Variants in DISP1 observed in about 807,000 individuals in gnomAD.
DISP1 encodes the protein dispatched RND transporter family member 1.
DISP1 carries 30 observed loss-of-function variants against 37.3 expected under a neutral mutation model. That is an observed-to-expected ratio of 0.80 (90% CI 0.60 to 1.09). The LOEUF is 1.09. DISP1 is among the 50% of genes least tolerant of loss of function. The pLI is 0.00. For synonymous variants in DISP1, 634 were observed against 690.2 expected, an observed-to-expected ratio of 0.92 and a Z score of 1.28; for missense variants, 1,598 against 1,879.5, an observed-to-expected ratio of 0.85 and a Z score of 2.77.
At chr1:222,945,765 A>G (rs1674723280) in intron 3 of DISP1, 2 of 152,226 alleles carry the variant, frequency 1.3e-5, no homozygotes, top group Admixed American at 1.3e-4. Context: ...CACTGGGTCC[A>G]TAGACTTGTC....
Position 223,004,228 on chromosome 1 carries a change from A to T in DISP1, c.2831A>T (p.Tyr944Phe). The T allele has an allele frequency of 6.2e-7, 1 of 1,614,148 alleles. No individual in the cohort carries two copies. The highest frequency in any genetic ancestry group is 8.5e-7 in the Non-Finnish European group (1 of 1,180,018). Residue 944 changes from tyrosine to phenylalanine, a missense_variant, in exon 9 of 9, where the codon TAT becomes TTT. Coordinates refer to ENST00000675850, the MANE Select transcript of DISP1 (RefSeq NM_001377229.1). This position sits in a 1 kb window ranked among gnomAD's most constrained non-coding sequence, Gnocchi z 4.9. Reference protein sequence around the residue: ...TLAYEKMHQFYKEVDSWISSE... With the variant: ...TLAYEKMHQFFKEVDSWISSE... ...GCTTATGAAAAGATGCATCAGTTTT[A>T]TAAAGAGGTGGACTCGTGGATATCC...
At chr1:222,881,666 C>T (rs1415246599) in intron 1 of DISP1, among the ~76,000 whole-genome samples, 3 of 152,142 alleles carry the variant, frequency 2.0e-5, no homozygotes, top group Non-Finnish European at 4.4e-5. Flanking sequence ...TTGGCAAGGG[C>T]CTACTGGCAT....
chr1:222,864,068 C>T (rs553310158), intron 1 of DISP1, among the ~76,000 whole-genome samples: 6 of 152,250 alleles, frequency 3.9e-5, no homozygotes, highest in Non-Finnish European at 8.8e-5. Flanking sequence ...TCTCAGGAAC[C>T]AAGCTCAGAA....
At chr1:222,855,402 T>A (rs1247806475) in intron 1 of DISP1, among the ~76,000 whole-genome samples, 1 of 152,210 alleles carries the variant, frequency 6.6e-6, no homozygotes, top group Non-Finnish European at 1.5e-5. Flanking sequence ...TTTACCTAAA[T>A]GGAAATTTGT....
At chr1:222,825,444 T>C (rs1180730067) in intron 1 of DISP1, among the ~76,000 whole-genome samples, 1 of 152,066 alleles carries the variant, frequency 6.6e-6, no homozygotes, top group Admixed American at 6.6e-5. Context: ...CAGTAGATCC[T>C]TTTTTAACTC....
At chr1:222,894,617 C>A (rs1365666960) in intron 1 of DISP1, among the ~76,000 whole-genome samples, 5 of 152,318 alleles carry the variant, frequency 3.3e-5, no homozygotes, top group African/African-American at 9.6e-5. Flanking sequence ...GCTTCTCGGG[C>A]CCCCAAGAGT....
At chr1:222,900,705 T>TAGAGATA (rs1157721759) in intron 1 of DISP1, among the ~76,000 whole-genome samples, 17 of 152,148 alleles carry the variant, frequency 1.1e-4, no homozygotes, top group African/African-American at 3.6e-4. Flanking sequence ...TCTGACAAAT[T>TAGAGATA]AGAGATAAGA....
chr1:222,878,626 T>C (rs1384305992), intron 1 of DISP1, among the ~76,000 whole-genome samples: 1 of 152,188 alleles, frequency 6.6e-6, no homozygotes, highest in African/African-American at 2.4e-5. Context: ...GGAGGTCTGC[T>C]CAGGGATTAG....
chr1:222,868,361 ATATATGTTTATATATG>A (rs1302026485), intron 1 of DISP1, among the ~76,000 whole-genome samples: 1 of 152,082 alleles, frequency 6.6e-6, no homozygotes, highest in Non-Finnish European at 1.5e-5. Context: ...ATGTGTGTGT[ATATATGTTTATATATG>A]TATATGTTTA....
chr1:222,878,265 C>T (rs183721986), intron 1 of DISP1, among the ~76,000 whole-genome samples: 10 of 152,262 alleles, frequency 6.6e-5, no homozygotes, highest in Non-Finnish European at 1.3e-4. Context: ...AGAGTGAAGA[C>T]GCAGAAACCA....
intron 1 of DISP1, among the ~76,000 whole-genome samples, chr1:222,826,625 C>T (rs1181763046): frequency 1.3e-5 from 2 of 151,864 alleles, no homozygotes; most frequent in Admixed American, 6.6e-5. Context: ...CTGGGTCAAA[C>T]GAGCCTCCTG....
At chr1:222,880,020 G>A (rs1267041550) in intron 1 of DISP1, among the ~76,000 whole-genome samples, 1 of 151,354 alleles carries the variant, frequency 6.6e-6, no homozygotes, top group African/African-American at 2.4e-5. Flanking sequence ...TTGCATCAAA[G>A]GTATTACCAT....
chr1:222,956,882 T>C (rs1043047791), intron 3 of DISP1, among the ~76,000 whole-genome samples: 1 of 152,124 alleles, frequency 6.6e-6, no homozygotes, highest in African/African-American at 2.4e-5. Context: ...TTAAGCATGT[T>C]TCATACAGGG....
rs144095725 is a variant in DISP1, at chr1:222,923,222, G to T, written c.-158-5208G>T. 6.3e-3 allele frequency among the ~76,000 whole-genome samples: 955 copies of T among 152,238 alleles called. 9 individuals are homozygous for T. The highest frequency in any genetic ancestry group is 0.022 in the African/African-American group (928 of 41,550). The stretch of plus-strand genomic sequence containing the variant: ...GGGAGGCAGAGTGAGACAGAGTAAA[G>T]AGACATGGTGGTCAAGATTGAGAGT... On this transcript the variant is annotated intron_variant, in intron 1 of 8. Coordinates refer to ENST00000675850, the MANE Select transcript of DISP1 (RefSeq NM_001377229.1).
At chr1:222,891,155 A>G (rs1670916442) in intron 1 of DISP1, among the ~76,000 whole-genome samples, 1 of 152,092 alleles carries the variant, frequency 6.6e-6, no homozygotes, top group South Asian at 2.1e-4. Context: ...GTGTGAAGGT[A>G]TTGTGTTGGA....
At chr1:222,969,441 C>T (rs192121081) in intron 3 of DISP1, among the ~76,000 whole-genome samples, 16 of 146,742 alleles carry the variant, frequency 1.1e-4, no homozygotes, top group Non-Finnish European at 1.7e-4. Context: ...ATCCAAAAAC[C>T]ATCTTGAAAA....
In DISP1 at chr1:222,876,874, GA is replaced by G. The variant is rs532601592; in HGVS notation, c.-158-51548del. 5.6e-3 allele frequency among the ~76,000 whole-genome samples: 845 copies of G among 151,712 alleles called. 3 individuals are homozygous for G. The highest frequency in any genetic ancestry group is 0.031 in the Middle Eastern group (9 of 292). ...GTACTTGTAATGTTTTATTTAAAGA[GA>G]AAAAAAAGCAAATAAGACAAAATGT... On this transcript the variant is annotated intron_variant, in intron 1 of 8. Coordinates refer to ENST00000675850, the MANE Select transcript of DISP1 (RefSeq NM_001377229.1).
chr1:222,963,477 G>T (rs2102604130), intron 3 of DISP1, among the ~76,000 whole-genome samples: 1 of 152,282 alleles, frequency 6.6e-6, no homozygotes. Context: ...TATGTTGATT[G>T]CAGCTCTATT....
chr1:222,971,561 A>T (rs1676962309), intron 3 of DISP1, among the ~76,000 whole-genome samples: 1 of 152,156 alleles, frequency 6.6e-6, no homozygotes, highest in Admixed American at 6.6e-5. Flanking sequence ...AAGCTTAAGT[A>T]ACAGTTCTTA....
Sources: gnomAD v4.1 joint callset for allele counts (sites outside exome capture counted in the v4.1 genomes callset) on GRCh38, gnomAD v4.1.1 for gene constraint, Gnocchi (gnomAD v3.1) non-coding constraint, MANE v1.5 for transcripts, NCBI Gene and HGNC (gene_info 2026-07-23, HGNC 2026-07-21) for gene names.